The following AFAP1 variants were observed in gnomAD, a reference collection of about 807,000 sequenced individuals.
AFAP1 encodes actin filament-associated protein 1.
AFAP1 carries 75 observed loss-of-function variants against 93.9 expected under a neutral mutation model. That is an observed-to-expected ratio of 0.80 (90% CI 0.66 to 0.97). The LOEUF is 0.97. AFAP1 is among the 50% of genes least tolerant of loss of function. The pLI is 0.00. For missense variants in AFAP1, 1,201 were observed against 1,050.8 expected, an observed-to-expected ratio of 1.14 and a Z score of -1.98; for synonymous variants, 517 against 430.7, an observed-to-expected ratio of 1.20 and a Z score of -2.48.
chr4:7,926,885 G>A (rs371448824), intron 1 of AFAP1, among the ~76,000 whole-genome samples: 6 of 152,098 alleles, frequency 3.9e-5, no homozygotes, highest in East Asian at 3.9e-4. Context: ...ACAGGCCCCC[G>A]CCACCATGCC....
At chr4:7,869,789 A>G (rs1012696774) in intron 2 of AFAP1, among the ~76,000 whole-genome samples, 2 of 152,206 alleles carry the variant, frequency 1.3e-5, no homozygotes, top group African/African-American at 2.4e-5. Flanking sequence ...TGCAATGGAG[A>G]AAAGAACTTC....
chr4:7,795,627 G>A (rs981447049), intron 10 of AFAP1, among the ~76,000 whole-genome samples: 2 of 151,636 alleles, frequency 1.3e-5, no homozygotes, highest in Non-Finnish European at 2.9e-5. Flanking sequence ...GGTTTTCACT[G>A]TGTTAGCCAG....
intron 1 of AFAP1, among the ~76,000 whole-genome samples, chr4:7,907,838 T>C (rs1274376418): frequency 1.3e-5 from 2 of 152,198 alleles, no homozygotes; most frequent in Non-Finnish European, 2.9e-5. Context: ...AAATTAAAAA[T>C]GAGGCCTGAG....
At chr4:7,771,577 C>T (rs556181796) in intron 16 of AFAP1, among the ~76,000 whole-genome samples, 7 of 152,278 alleles carry the variant, frequency 4.6e-5, no homozygotes, top group African/African-American at 1.4e-4. Flanking sequence ...ACAGGCGCTT[C>T]GGTGGGCACT....
At chr4:7,810,657 G>A (rs983237571) in intron 8 of AFAP1, among the ~76,000 whole-genome samples, 1 of 152,196 alleles carries the variant, frequency 6.6e-6, no homozygotes. Flanking sequence ...GTTAATTTTT[G>A]AAACATAGAA....
chr4:7,823,641 A>T (rs1348689666), intron 6 of AFAP1, among the ~76,000 whole-genome samples: 1 of 152,136 alleles, frequency 6.6e-6, no homozygotes, highest in East Asian at 1.9e-4. Flanking sequence ...AAAGCACCTC[A>T]CGTAATCGCC....
At chr4:7,921,121 T>G (rs1422731841) in intron 1 of AFAP1, among the ~76,000 whole-genome samples, 1 of 151,154 alleles carries the variant, frequency 6.6e-6, no homozygotes, top group Admixed American at 6.6e-5. Flanking sequence ...TGAGACCAGG[T>G]AGATGACCTA....
chr4:7,885,602 T>C (rs1577333970), intron 1 of AFAP1, among the ~76,000 whole-genome samples: 1 of 152,240 alleles, frequency 6.6e-6, no homozygotes, highest in Non-Finnish European at 1.5e-5. Flanking sequence ...GCACGATGCC[T>C]GATGTGGAAA....
At chr4:7,879,419 A>T (rs1487249535) in intron 1 of AFAP1, among the ~76,000 whole-genome samples, 1 of 152,144 alleles carries the variant, frequency 6.6e-6, no homozygotes, top group Admixed American at 6.6e-5. Flanking sequence ...TCGACACCCC[A>T]GCCCCGACAC....
At chr4:7,905,249 TG>T (rs1333625199) in intron 1 of AFAP1, among the ~76,000 whole-genome samples, 1 of 152,230 alleles carries the variant, frequency 6.6e-6, no homozygotes, top group Non-Finnish European at 1.5e-5. Flanking sequence ...CTCTCTCCCC[TG>T]CAGCTGCACA....
intron 11 of AFAP1, among the ~76,000 whole-genome samples, chr4:7,789,984 T>TC (rs778194912): frequency 6.6e-6 from 1 of 152,264 alleles, no homozygotes; most frequent in Non-Finnish European, 1.5e-5. Context: ...ATCCCACTTT[T>TC]CCTGGGAGAA....
At chr4:7,825,201 T>C (rs4689877) in intron 6 of AFAP1, among the ~76,000 whole-genome samples, 13,033 of 152,268 alleles carry the variant, frequency 0.086, 1,191 homozygotes, top group East Asian at 0.49. Flanking sequence ...AAAGGGTTTA[T>C]TGCCCCAAAA....
rs1193380611 is a variant in AFAP1 at position 7,763,078 on chromosome 4, C to G, written c.*687G>C. 1 of 152,422 alleles carries G rather than the reference C, an allele frequency of 6.6e-6. No homozygotes were observed. Among genetic ancestry groups the G allele is most frequent in the African/African-American group, 2.4e-5 (1 of 41,402 alleles). The allele number at this position is 152,422 out of a possible 1,614,324, so 9.4% of individuals were successfully genotyped here. A position where few individuals can be genotyped will look rare whatever the true frequency, so the allele number is the denominator to read the frequency against. On this transcript the variant is annotated 3_prime_UTR_variant, in exon 18 of 18. Transcript: ENST00000420658. The stretch of plus-strand genomic sequence containing the variant: ...AACTCCTTGATCTAAGTGTGACACA[C>G]AGTAAAAAGACATTCCTAAAAAACA...
At position 7,781,478 on chromosome 4, in the gene AFAP1, A is replaced by T. The variant is rs944743078; in HGVS notation, c.1680T>A (p.Ser560=). Residue 560 remains serine, a synonymous_variant, in exon 13 of 18, where the codon TCT becomes TCA. Coordinates refer to ENST00000420658, the MANE Select transcript of AFAP1 (RefSeq NM_001134647.2). ...SPADRKASRL[S]ADKLSSNHYK... Reference sequence around the variant, plus strand: ...AATGGTTAGAGGACAGCTTGTCAGCAGACAGCCTAGAGGCCTTTCTGTCAG... The same window carrying T: ...AATGGTTAGAGGACAGCTTGTCAGCTGACAGCCTAGAGGCCTTTCTGTCAG... 6.4e-7 allele frequency: 1 copy of T among 1,552,204 alleles called. No homozygotes were observed.
intron 1 of AFAP1, among the ~76,000 whole-genome samples, chr4:7,935,400 A>T (rs1485543444): frequency 6.6e-6 from 1 of 152,244 alleles, no homozygotes; most frequent in African/African-American, 2.4e-5. Flanking sequence ...TTCACATTTT[A>T]TTCATACTTA....
At chr4:7,877,364 C>T (rs959505772) in intron 1 of AFAP1, among the ~76,000 whole-genome samples, 2 of 152,224 alleles carry the variant, frequency 1.3e-5, no homozygotes, top group African/African-American at 2.4e-5. Flanking sequence ...AGACGCACTG[C>T]GCCCCATCTA....
intron 1 of AFAP1, among the ~76,000 whole-genome samples, chr4:7,931,179 G>T (rs1043550896): frequency 6.6e-6 from 1 of 152,148 alleles, no homozygotes; most frequent in African/African-American, 2.4e-5. Flanking sequence ...CAATCTAGAA[G>T]AATGAGCTAA....
intron 1 of AFAP1, among the ~76,000 whole-genome samples, chr4:7,881,054 T>G (rs1717812814): frequency 6.6e-6 from 1 of 152,222 alleles, no homozygotes. Context: ...TATTTTTATC[T>G]GTGATCCTTC....
chr4:7,763,625 A>C lies in AFAP1; in HGVS notation c.*140T>G. 1.1e-6 allele frequency: 1 copy of C among 925,046 alleles called. No homozygotes were observed. The highest frequency in any genetic ancestry group is 1.6e-6 in the Non-Finnish European group (1 of 613,388). 57.3% of individuals were successfully genotyped at this position (925,046 alleles called of 1,614,324 possible). A position where few individuals can be genotyped will look rare whatever the true frequency, so the allele number is the denominator to read the frequency against. Reference sequence around the variant, plus strand: ...ATACAAGTGGGCCTGGGGGACAGGCACTGGCCTCAGAGCTCAGTCGTGGAG... The same window carrying C: ...ATACAAGTGGGCCTGGGGGACAGGCCCTGGCCTCAGAGCTCAGTCGTGGAG... On this transcript the variant is annotated 3_prime_UTR_variant, in exon 18 of 18. Coordinates refer to ENST00000420658, the MANE Select transcript of AFAP1 (RefSeq NM_001134647.2).
Sources: allele counts gnomAD v4.1 joint callset (sites outside exome capture counted in the v4.1 genomes callset), GRCh38; gene constraint gnomAD v4.1.1; transcripts MANE v1.5; gene names NCBI Gene and HGNC (gene_info 2026-07-23, HGNC 2026-07-21).